COL9A3: variants seen among roughly 807,000 people sequenced by gnomAD.
COL9A3 encodes the protein collagen alpha-3(IX) chain.
Under a neutral mutation model 110.2 loss-of-function variants are expected in COL9A3, and 82 were observed. That is an observed-to-expected ratio of 0.74 (90% confidence interval 0.62 to 0.89). The LOEUF is 0.89. Among genes scored for constraint, COL9A3 ranks in the 40% least tolerant of loss-of-function variants. The pLI is 0.00. For synonymous variants in COL9A3, 494 were observed against 403.8 expected (o/e 1.22, Z -2.68); for missense variants, 1,066 against 981.3 (o/e 1.09, Z -1.15).
rs558413179 is a variant in COL9A3 at position 62,818,642 on chromosome 20, C to T, written c.183+89C>T. The T allele has an allele frequency of 4.3e-6, 6 of 1,392,336 alleles. No individual in the cohort carries two copies. In the Admixed American group the frequency reaches 6.7e-5, roughly 16 times the overall value. The allele number at this position is 1,392,336 out of a possible 1,614,324, so 86.2% of individuals were successfully genotyped here. ...CAGAGGGGTCATTGATATCCTGTCT[C>T]ATCCTGCCGGAGCCCGGGTTGCCTG... On this transcript the variant is annotated intron_variant, in intron 3 of 31. Coordinates refer to ENST00000649368, the MANE Select transcript of COL9A3 (RefSeq NM_001853.4).
chr20:62,830,474 C>T (rs749494177), intron 23 of COL9A3, 43 bp from the exon 24 acceptor site: 13 of 1,596,742 alleles, frequency 8.1e-6, no homozygotes, highest in Middle Eastern at 1.7e-4. Flanking sequence ...GGGCCAGACC[C>T]GACAGGGTAT....
rs532014250 is a variant in COL9A3, at chr20:62,839,002, A to G, written c.1864+241A>G. ...CACTTTGGGAGGCTGAGGCAGACGG[A>G]TAACCTGAGGTCAGCAGTTTGAGAC... On this transcript the variant is annotated intron_variant, in intron 31 of 31. Coordinates refer to ENST00000649368, the MANE Select transcript of COL9A3 (RefSeq NM_001853.4). Among the ~76,000 whole-genome samples the G allele has an allele frequency of 2.6e-5, 4 of 152,310 alleles. No individual in the cohort carries two copies. In the East Asian group the frequency reaches 5.8e-4, roughly 22 times the overall value.
At chr20:62,820,056 T>C in intron 5 of COL9A3, 74 bp downstream of exon 5, 1 of 1,528,798 alleles carries the variant, frequency 6.5e-7, no homozygotes, top group East Asian at 2.2e-5. Flanking sequence ...CTGCTCTGTG[T>C]CCACAAGGCC....
At chr20:62,828,559 C>A (rs2063571658) in intron 17 of COL9A3, among the ~76,000 whole-genome samples, 1 of 152,268 alleles carries the variant, frequency 6.6e-6, no homozygotes, top group African/African-American at 2.4e-5. Context: ...GCCTCTGCCA[C>A]CCACCCGCAC....
At chr20:62,836,879 A>G in intron 29 of COL9A3, 2 of 757,604 alleles carry the variant, frequency 2.6e-6, no homozygotes, top group Non-Finnish European at 4.5e-6. Flanking sequence ...TCACCTTCCC[A>G]CTCAGGCTTC....
rs1304361755 is a variant in COL9A3 at position 62,836,544 on chromosome 20, A to C, written c.1603+12A>C. On this transcript the variant is annotated intron_variant, in intron 29 of 31. Coordinates refer to ENST00000649368, the MANE Select transcript of COL9A3 (RefSeq NM_001853.4). ...GGGGATGATCAGCGGTAAGTCAGCC[A>C]CGTGCACCGGCTGCAGCGGGGCCCA... The C allele has an allele frequency of 1.9e-6, 3 of 1,604,974 alleles. No homozygotes were observed. The Admixed American group carries it at 5.1e-5, about 27-fold the overall frequency.
At chr20:62,837,347 C>T in intron 30 of COL9A3, 82 bp downstream of exon 30, 1 of 1,464,874 alleles carries the variant, frequency 6.8e-7, no homozygotes. Context: ...GCTTCTGGTG[C>T]CTGCCATGCG....
At chr20:62,825,687 G>C (rs1279873909) in intron 12 of COL9A3, 130 bp from the exon 13 acceptor site, 1 of 914,418 alleles carries the variant, frequency 1.1e-6, no homozygotes, top group African/African-American at 1.6e-5. Flanking sequence ...CCTTCACAGA[G>C]CCTCCAAGGC....
intron 26 of COL9A3, among the ~76,000 whole-genome samples, chr20:62,835,082 C>T (rs980807027): frequency 2.0e-5 from 3 of 152,386 alleles, no homozygotes; most frequent in South Asian, 2.1e-4. Context: ...GCTACTCGCA[C>T]GGTCGGGCTG....
intron 25 of COL9A3, chr20:62,832,714 A>T: frequency 3.9e-6 from 1 of 256,440 alleles, no homozygotes; most frequent in Non-Finnish European, 6.5e-6. Flanking sequence ...TCTCACTTCT[A>T]GGCACAAGGC....
chr20:62,833,280 G>A (rs563720058), intron 26 of COL9A3, among the ~76,000 whole-genome samples: 9 of 152,372 alleles, frequency 5.9e-5, no homozygotes, highest in East Asian at 1.9e-4. Flanking sequence ...GAAACTCAGC[G>A]GCTCTGGAGT....
chr20:62,821,919 A>G (rs2063516237), intron 8 of COL9A3, 109 bp downstream of exon 8: 3 of 774,232 alleles, frequency 3.9e-6, no homozygotes, highest in Non-Finnish European at 4.6e-6. Flanking sequence ...TTCTCCCCCA[A>G]CCCCACCTTG....
chr20:62,820,443 C>T (rs955582794), intron 5 of COL9A3, among the ~76,000 whole-genome samples: 4 of 152,210 alleles, frequency 2.6e-5, no homozygotes, highest in African/African-American at 9.7e-5. Context: ...AACCCGAAGC[C>T]AGCATTCTCT....
At chr20:62,837,018 T>C in intron 29 of COL9A3, 65 bp from the exon 30 acceptor site, 1 of 1,585,226 alleles carries the variant, frequency 6.3e-7, no homozygotes, top group Non-Finnish European at 8.6e-7. Flanking sequence ...TATTTTATGC[T>C]TTACGTAACA....
chr20:62,829,596 G>T, intron 20 of COL9A3, 32 bp from the exon 21 acceptor site: 1 of 1,610,512 alleles, frequency 6.2e-7, no homozygotes, highest in Non-Finnish European at 8.5e-7. Flanking sequence ...TGCAGGTGTA[G>T]GCAGGCACTC....
intron 24 of COL9A3, chr20:62,831,943 A>G: frequency 1.6e-6 from 1 of 637,388 alleles, no homozygotes; most frequent in Non-Finnish European, 2.9e-6. Flanking sequence ...TTCACTACCC[A>G]CAAGGGGAGG....
In COL9A3 at chr20:62,838,722, G is replaced by A. The variant is rs754987245; in HGVS notation, c.1825G>A (p.Ala609Thr). Residue 609 changes from alanine (A) to threonine (T), a missense_variant, in exon 31 of 32, where the codon GCA (alanine) becomes ACA (threonine). Transcript: ENST00000649368. ...GDRGDKGAAG[A>T]GLDGPEGDQG... ...CAGAGGAGACAAAGGCGCGGCAGGA[G>A]CAGGGCTGGACGGGCCTGAAGGAGA... 2 of 1,552,682 alleles carry A rather than the reference G, an allele frequency of 1.3e-6. No individual in the cohort carries two copies. Among genetic ancestry groups the A allele is most frequent in the South Asian group, 2.4e-5 (2 of 84,098 alleles).
At chr20:62,828,353 C>T (rs2063570616) in intron 17 of COL9A3, among the ~76,000 whole-genome samples, 1 of 152,256 alleles carries the variant, frequency 6.6e-6, no homozygotes, top group Non-Finnish European at 1.5e-5. Flanking sequence ...TTGCCTCTGC[C>T]CCGGAGTAGT....
intron 2 of COL9A3, chr20:62,817,889 C>A: frequency 1.6e-6 from 1 of 624,350 alleles, no homozygotes; most frequent in East Asian, 3.2e-5. Context: ...TCTGGGTCCC[C>A]TGAGGGGCCC....
Sources: gnomAD v4.1 joint callset for allele counts (sites outside exome capture counted in the v4.1 genomes callset) on GRCh38, gnomAD v4.1.1 for gene constraint, MANE v1.5 for transcripts, NCBI Gene and HGNC (gene_info 2026-07-23, HGNC 2026-07-21) for gene names.